TSGA13: variants seen among roughly 807,000 people sequenced by gnomAD.
TSGA13 encodes testis specific 13, also known as testis-specific gene 13 protein.
TSGA13 carries 37 observed loss-of-function variants against 35.1 expected under a neutral mutation model. That is an observed-to-expected ratio of 1.05 (90% CI 0.81 to 1.39). The LOEUF is 1.39. Among genes scored for constraint, TSGA13 ranks in the 40% most tolerant of loss-of-function variants. TSGA13 has a pLI of 0.00. For missense variants in TSGA13, 338 were observed against 328.5 expected (o/e 1.03, Z -0.22); for synonymous variants, 124 against 121.2 (o/e 1.02, Z -0.15).
At chr7:130,686,734 ACACAC>A (rs1450236227), upstream of TSGA13, 1 of 149,464 alleles carries the variant, frequency 6.7e-6, no homozygotes, top group African/African-American at 2.5e-5. Flanking sequence ...ACACACACAC[ACACAC>A]ATCTTCACCA....
At chr7:130,680,925 G>A (rs916731507) in intron 4 of TSGA13, 21 bp downstream of exon 4, 4 of 1,612,230 alleles carry the variant, frequency 2.5e-6, no homozygotes, top group Admixed American at 1.7e-5. Context: ...GAGATCTTGG[G>A]GGAATGCTTT....
At chr7:130,674,736 CAT>C (rs1796370177) in intron 5 of TSGA13, among the ~76,000 whole-genome samples, 1 of 152,134 alleles carries the variant, frequency 6.6e-6, no homozygotes, top group African/African-American at 2.4e-5. Context: ...AATTAATTAA[CAT>C]ATTGAGCTTT....
chr7:130,683,778 G>A, intron 2 of TSGA13, 106 bp from the exon 3 acceptor site: 1 of 946,292 alleles, frequency 1.1e-6, no homozygotes, highest in Non-Finnish European at 1.6e-6. Flanking sequence ...ACTCAGACAA[G>A]TCCAATTTAG....
At chr7:130,672,005 C>T (rs549567584) in intron 6 of TSGA13, among the ~76,000 whole-genome samples, 2 of 152,022 alleles carry the variant, frequency 1.3e-5, no homozygotes. Flanking sequence ...ATTCTCCTGC[C>T]TCAGCCTCCC....
At chr7:130,674,223 A>G (rs1479337646) in intron 5 of TSGA13, among the ~76,000 whole-genome samples, 1 of 110,380 alleles carries the variant, frequency 9.1e-6, no homozygotes, top group Non-Finnish European at 1.7e-5. Context: ...CCAGACCTGG[A>G]GTGCTATGGT....
chr7:130,674,660 C>T (rs1301226975), intron 5 of TSGA13, among the ~76,000 whole-genome samples: 3 of 152,124 alleles, frequency 2.0e-5, no homozygotes, highest in Non-Finnish European at 2.9e-5. Context: ...CCCTAGCACC[C>T]GTAATAGTGC....
At chr7:130,677,592 T>G (rs1231316871) in intron 5 of TSGA13, among the ~76,000 whole-genome samples, 1 of 152,114 alleles carries the variant, frequency 6.6e-6, no homozygotes, top group East Asian at 1.9e-4. Flanking sequence ...GCATGGCTAA[T>G]TTTTGTATTT....
intron 7 of TSGA13, among the ~76,000 whole-genome samples, chr7:130,669,819 A>C (rs779239424): frequency 1.8e-4 from 28 of 152,252 alleles, no homozygotes; most frequent in Non-Finnish European, 3.5e-4. Context: ...TGGCTTGTAA[A>C]GGTCAAGTCA....
intron 4 of TSGA13, 91 bp from the exon 5 acceptor site, chr7:130,679,458 G>GT: frequency 8.8e-7 from 1 of 1,137,902 alleles, no homozygotes; most frequent in Non-Finnish European, 1.2e-6. Context: ...CCTCTGTGGG[G>GT]TAAGAACAGA....
rs782011875 is a variant in TSGA13, at chr7:130,681,030, A to G, written c.103-13T>C. 1.3e-5 allele frequency: 21 copies of G among 1,613,832 alleles called. No individual in the cohort carries two copies. Among genetic ancestry groups the G allele is most frequent in the South Asian group, 2.2e-5 (2 of 91,070 alleles). On this transcript the variant is annotated splice_polypyrimidine_tract_variant and intron_variant, in intron 3 of 7. Transcript: ENST00000356588. ...CTGCATCAGAAATCTAAAGAGGATA[A>G]TCAAAGTTAGTGGTTTGAAGTTGCA... is the stretch of plus-strand genomic sequence containing the variant.
chr7:130,672,000 C>T (rs1014657244), intron 6 of TSGA13, among the ~76,000 whole-genome samples: 1 of 152,036 alleles, frequency 6.6e-6, no homozygotes, highest in African/African-American at 2.4e-5. Context: ...AAGCGATTCT[C>T]CTGCCTCAGC....
Position 130,668,891 on chromosome 7 carries a change from C to A in TSGA13, c.*123G>T, listed in dbSNP as rs1441332678. The A allele has an allele frequency of 2.4e-5, 35 of 1,452,382 alleles. No individual in the cohort carries two copies. Among genetic ancestry groups the A allele is most frequent in the Non-Finnish European group, 3.2e-5 (35 of 1,082,078 alleles). The allele number at this position is 1,452,382 out of a possible 1,614,324, so 90.0% of individuals were successfully genotyped here. On this transcript the variant is annotated 3_prime_UTR_variant, in exon 8 of 8. Coordinates refer to ENST00000356588, the MANE Select transcript of TSGA13 (RefSeq NM_052933.4). ...GCCCGCCGGAGACTTCGGCTCGACC[C>A]TCCCGGCTTGCGACCCGGGAGCCCA...
intron 4 of TSGA13, among the ~76,000 whole-genome samples, chr7:130,680,421 G>A (rs940067374): frequency 6.6e-6 from 1 of 151,484 alleles, no homozygotes; most frequent in South Asian, 2.1e-4. Context: ...CAGGAGAATA[G>A]CATGAACCCA....
chr7:130,672,711 T>G (rs1554463387), intron 6 of TSGA13, 23 bp downstream of exon 6: 6 of 1,608,508 alleles, frequency 3.7e-6, no homozygotes, highest in Non-Finnish European at 5.1e-6. Context: ...AGAAAGCAAG[T>G]ACAAGAAGAA....
rs1266394460 is a variant in TSGA13, at chr7:130,672,878, T to C, written c.388-2A>G. The C allele has an allele frequency of 6.2e-7, 1 of 1,612,722 alleles. No homozygotes were observed. Among genetic ancestry groups the C allele is most frequent in the Non-Finnish European group, 8.5e-7 (1 of 1,179,328 alleles). On this transcript the variant is annotated splice_acceptor_variant, in intron 5 of 7. Transcript: ENST00000356588. LOFTEE classifies it high-confidence loss of function. ...GGGTTTGTGCTGATGATGACTTTCC[T>C]GTAGGGAAACGAGGGAAGAAGAGTG...
At chr7:130,670,356 G>A (rs1473635170) in intron 7 of TSGA13, among the ~76,000 whole-genome samples, 1 of 152,170 alleles carries the variant, frequency 6.6e-6, no homozygotes, top group African/African-American at 2.4e-5. Context: ...AGCAATCACT[G>A]CAATGGCTTT....
chr7:130,668,807 C>T lies in TSGA13; in HGVS notation c.*207G>A, dbSNP rs556569361. 3 of 1,267,100 alleles carry T rather than the reference C, an allele frequency of 2.4e-6. No homozygotes were observed. Among genetic ancestry groups the T allele is most frequent in the East Asian group, 2.9e-5 (1 of 34,612 alleles). The allele number at this position is 1,267,100 out of a possible 1,614,324, so 78.5% of individuals were successfully genotyped here. On this transcript the variant is annotated 3_prime_UTR_variant, in exon 8 of 8. Coordinates refer to ENST00000356588, the MANE Select transcript of TSGA13 (RefSeq NM_052933.4). The stretch of plus-strand genomic sequence containing the variant: ...CGCGCCTTCACTCGGGGCCAAGGCC[C>T]GCCCTCCCCGGCCGCCCTCGGCCCC...
At chr7:130,676,735 C>T (rs948411935) in intron 5 of TSGA13, among the ~76,000 whole-genome samples, 1 of 152,212 alleles carries the variant, frequency 6.6e-6, no homozygotes, top group Non-Finnish European at 1.5e-5. Flanking sequence ...CCAAATTCAC[C>T]ACATTTTATT....
intron 5 of TSGA13, among the ~76,000 whole-genome samples, chr7:130,675,368 T>G: frequency 6.9e-6 from 1 of 143,946 alleles, no homozygotes; most frequent in Non-Finnish European, 1.5e-5. Context: ...TCCTCATGGT[T>G]TGAGTCTTTT....
Sources: gnomAD v4.1 joint callset for allele counts (sites outside exome capture counted in the v4.1 genomes callset) on GRCh38, gnomAD v4.1.1 for gene constraint, MANE v1.5 for transcripts, NCBI Gene and HGNC (gene_info 2026-07-23, HGNC 2026-07-21) for gene names.